Variants in NCOR1 observed in about 807,000 individuals in gnomAD.
NCOR1 encodes the protein protein phosphatase 1, regulatory subunit 109.
A neutral mutation model predicts 288.1 loss-of-function variants in NCOR1; 63 were observed. The observed-to-expected ratio is 0.22, with a 90% CI of 0.18 to 0.27. The LOEUF (loss-of-function observed/expected upper bound fraction) is 0.27, where lower values mean the gene tolerates loss of function less well. NCOR1 is among the 10% of genes least tolerant of loss of function. NCOR1 has a pLI of 1.00. For synonymous variants in NCOR1, 1,007 were observed against 1,065.9 expected (o/e 0.94, Z 1.08); for missense variants, 2,397 against 3,019.2 (o/e 0.79, Z 4.83).
intron 11 of NCOR1, among the ~76,000 whole-genome samples, chr17:16,139,593 G>A (rs534716958): frequency 1.7e-4 from 26 of 152,076 alleles, no homozygotes; most frequent in South Asian, 8.3e-4. Flanking sequence ...AACTTTTACC[G>A]TCATATTACA....
intron 44 of NCOR1, among the ~76,000 whole-genome samples, chr17:16,036,460 A>G (rs992742237): frequency 2.6e-5 from 4 of 152,198 alleles, no homozygotes; most frequent in African/African-American, 9.7e-5. Context: ...TTAGCCCCTA[A>G]CAAGAGAGTC....
intron 40 of NCOR1, chr17:16,057,148 A>G (rs1394910966): frequency 4.7e-6 from 1 of 210,934 alleles, no homozygotes; most frequent in East Asian, 1.2e-4. Context: ...TCACCTTCTT[A>G]AACTTCTACT....
chr17:16,081,940 C>T (rs2152827831), intron 23 of NCOR1, among the ~76,000 whole-genome samples: 1 of 152,284 alleles, frequency 6.6e-6, no homozygotes, highest in Non-Finnish European at 1.5e-5. Context: ...CTTAGGCTGC[C>T]CTTAAGGCTC....
At chr17:16,172,747 T>C (rs2083361600) in intron 3 of NCOR1, among the ~76,000 whole-genome samples, 1 of 152,230 alleles carries the variant, frequency 6.6e-6, no homozygotes. Context: ...GAATCTTTCA[T>C]TTCTTTACAG....
chr17:16,171,712 A>C, intron 4 of NCOR1, 91 bp downstream of exon 4: 1 of 1,193,324 alleles, frequency 8.4e-7, no homozygotes, highest in Non-Finnish European at 1.1e-6. Context: ...AGACTGGTGT[A>C]ACTGGACTTT....
intron 28 of NCOR1, 43 bp downstream of exon 28, chr17:16,073,386 A>C: frequency 6.6e-7 from 1 of 1,508,336 alleles, no homozygotes; most frequent in Non-Finnish European, 8.9e-7. Flanking sequence ...TTACTATATA[A>C]AATAACATGT....
chr17:16,153,419 T>A, intron 6 of NCOR1, 24 bp from the exon 7 acceptor site: 1 of 1,476,618 alleles, frequency 6.8e-7, no homozygotes, highest in Non-Finnish European at 9.2e-7. Flanking sequence ...CATTGTTGTA[T>A]CATATAATTA....
chr17:16,106,285 A>G lies in NCOR1; in HGVS notation c.2182+2501T>C, dbSNP rs1002659581. On this transcript the variant is annotated intron_variant, in intron 19 of 45. Coordinates refer to ENST00000268712, the MANE Select transcript of NCOR1 (RefSeq NM_006311.4). The stretch of plus-strand genomic sequence containing the variant: ...ATTTATCTTCAAAATATTAGAAGAC[A>G]TGTTAGTGGTTATACAGCAGATGAT... 5.6e-4 allele frequency among the ~76,000 whole-genome samples: 85 copies of G among 152,296 alleles called. 1 individual carries two copies. Among genetic ancestry groups the G allele is most frequent in the African/African-American group, 2.0e-3 (83 of 41,564 alleles).
intron 1 of NCOR1, among the ~76,000 whole-genome samples, chr17:16,195,231 G>A (rs1474947665): frequency 6.6e-6 from 1 of 152,210 alleles, no homozygotes; most frequent in African/African-American, 2.4e-5. Context: ...AGCACTCTGG[G>A]AGGCTGAGGT....
intron 3 of NCOR1, among the ~76,000 whole-genome samples, chr17:16,181,217 G>GTATGTATA (rs1335115042): frequency 7.6e-6 from 1 of 132,166 alleles, no homozygotes; most frequent in Non-Finnish European, 1.6e-5. Flanking sequence ...ATGTATGTGT[G>GTATGTATA]TGTGTGTGTG....
intron 21 of NCOR1, among the ~76,000 whole-genome samples, 161 bp downstream of exon 21, chr17:16,098,206 C>T (rs1457799160): frequency 3.3e-5 from 5 of 152,144 alleles, no homozygotes; most frequent in Non-Finnish European, 5.9e-5. Context: ...ACACTTAACA[C>T]GAGTGAACTG....
intron 42 of NCOR1, among the ~76,000 whole-genome samples, chr17:16,045,849 T>C (rs987653747): frequency 6.6e-6 from 1 of 152,096 alleles, no homozygotes; most frequent in African/African-American, 2.4e-5. Flanking sequence ...CATCTCACTC[T>C]GGCTTAGGCT....
In NCOR1 at chr17:16,091,880, G is replaced by C. The variant is rs2065235749; in HGVS notation, c.2999C>G (p.Pro1000Arg). The C allele has an allele frequency of 6.2e-7, 1 of 1,613,922 alleles. No individual in the cohort carries two copies. The highest frequency in any genetic ancestry group is 1.3e-5 in the African/African-American group (1 of 74,884). Residue 1000 changes from proline to arginine, a missense_variant, in exon 22 of 46, where the codon CCA (proline) becomes CGA (arginine). Transcript: ENST00000268712. ...CTACCTACCTTCCCACTCTCTGTTT[G>C]GACTCTTGGATGTGCCACATGGACT... is the stretch of plus-strand genomic sequence containing the variant. ...STSPCGTSKS[P>R]NREWEVLQPA...
chr17:16,092,103 T>C (rs780317338), intron 21 of NCOR1, 45 bp from the exon 22 acceptor site: 3 of 1,594,874 alleles, frequency 1.9e-6, no homozygotes, highest in East Asian at 2.2e-5. Flanking sequence ...ACCAATGTAA[T>C]AATTGCCATC....
chr17:16,067,882 T>C lies in NCOR1; in HGVS notation c.4741+12A>G. On this transcript the variant is annotated intron_variant, in intron 32 of 45. Transcript: ENST00000268712. ...TTATTTGCCATAAATTATCACTATA[T>C]TTTGTGTTTACCAGGATCCAAAGCC... is the stretch of plus-strand genomic sequence containing the variant. 2 of 1,603,930 alleles carry C rather than the reference T, an allele frequency of 1.2e-6. No individual in the cohort carries two copies. Among genetic ancestry groups the C allele is most frequent in the Non-Finnish European group, 1.7e-6 (2 of 1,174,468 alleles).
intron 3 of NCOR1, among the ~76,000 whole-genome samples, chr17:16,175,613 G>A (rs747613094): frequency 2.2e-4 from 34 of 151,988 alleles, no homozygotes; most frequent in Admixed American, 2.0e-4. Flanking sequence ...CCTGGTTGCC[G>A]GATGTAGTGG....
At chr17:16,063,333 C>T (rs1035098436) in intron 35 of NCOR1, among the ~76,000 whole-genome samples, 1 of 151,998 alleles carries the variant, frequency 6.6e-6, no homozygotes, top group African/African-American at 2.4e-5. Context: ...GTGCACACCA[C>T]GGCTGCTGGC....
At chr17:16,045,057 G>A in intron 42 of NCOR1, 1 of 371,848 alleles carries the variant, frequency 2.7e-6, no homozygotes, top group Non-Finnish European at 5.0e-6. Context: ...CTATCAAGGG[G>A]ACTGAGGAAA....
chr17:16,186,665 C>G lies in NCOR1; in HGVS notation c.131G>C (p.Arg44Pro). The G allele has an allele frequency of 6.2e-7, 1 of 1,613,172 alleles. No individual in the cohort carries two copies. The highest frequency in any genetic ancestry group is 1.1e-5 in the South Asian group (1 of 90,928). ...HQQEFAVPDYRSSHLEVSQAS... is the reference protein window; with the variant it reads ...HQQEFAVPDYPSSHLEVSQAS... ...CTGACTCACTTCAAGATGAGAGGAA[C>G]GATAATCAGGGACTGCGAACTCCTA... Residue 44 changes from arginine (R) to proline (P), a missense_variant, in exon 3 of 46, where the codon CGT becomes CCT. By Grantham distance (103) the Arg-to-Pro change is moderately radical. Around this residue, in one of 11 missense-constraint regions of NCOR1, gnomAD observed 55 missense variants for 69.6 expected, o/e 0.79. Transcript: ENST00000268712.
Sources: gnomAD v4.1 joint callset for allele counts (sites outside exome capture counted in the v4.1 genomes callset) on GRCh38, gnomAD v4.1.1 for gene constraint, gnomAD v4.1.1 regional missense constraint, MANE v1.5 for transcripts, NCBI Gene and HGNC (gene_info 2026-07-23, HGNC 2026-07-21) for gene names.